The following SLC39A14 variants were observed in gnomAD, a reference collection of about 807,000 sequenced individuals.
SLC39A14 encodes solute carrier family 39 member 14, also known as metal cation symporter ZIP14.
SLC39A14 carries 19 observed loss-of-function variants against 45.5 expected under a neutral mutation model. The observed-to-expected ratio is 0.42, with a 90% CI of 0.29 to 0.61. The LOEUF (loss-of-function observed/expected upper bound fraction) is 0.61, where lower values mean the gene tolerates loss of function less well. Among genes scored for constraint, SLC39A14 ranks in the 20% least tolerant of loss-of-function variants. SLC39A14 has a pLI of 0.22. For synonymous variants in SLC39A14, 264 were observed against 251.3 expected (o/e 1.05, Z -0.48); for missense variants, 447 against 616.5 (o/e 0.73, Z 2.91).
At chr8:22,398,647 C>G (rs7846492) in intron 1 of SLC39A14, 120,893 of 884,174 alleles carry the variant, frequency 0.14, 8,351 homozygotes, top group East Asian at 0.18. Flanking sequence ...ACCTCTAGAC[C>G]CAGCGTCACA....
In SLC39A14 at chr8:22,431,591, A is replaced by G. The variant is rs1836468001; in HGVS notation, c.1333-2300A>G. On this transcript the variant is annotated intron_variant, in intron 8 of 8. Coordinates refer to the SLC39A14 transcript ENST00000240095. ...GTTTAGGAAGCGCTTAGGGAGTTTC[A>G]TGAGGAAATACACCAAAGCTCACAA... Among the ~76,000 whole-genome samples the G allele has an allele frequency of 2.0e-5, 3 of 152,354 alleles. No homozygotes were observed. The South Asian group carries it at 6.2e-4, about 32-fold the overall frequency.
At chr8:22,384,931 T>G (rs762435152) in intron 1 of SLC39A14, among the ~76,000 whole-genome samples, 4 of 146,996 alleles carry the variant, frequency 2.7e-5, no homozygotes, top group Non-Finnish European at 5.9e-5. Flanking sequence ...GCGCCTGTAG[T>G]CCCAGCTATT....
chr8:22,415,632 C>A, intron 5 of SLC39A14, 137 bp from the exon 6 acceptor site: 1 of 740,372 alleles, frequency 1.4e-6, no homozygotes, highest in Non-Finnish European at 2.2e-6. Context: ...TGTTTCTGGG[C>A]ACGTGACCTG....
At chr8:22,409,011 C>T (rs1306292972) in intron 3 of SLC39A14, among the ~76,000 whole-genome samples, 4 of 151,804 alleles carry the variant, frequency 2.6e-5, no homozygotes, top group South Asian at 2.1e-4. Flanking sequence ...TGTAGAGACA[C>T]GGTCTCACTA....
At chr8:22,414,750 A>G (rs774987968) in intron 4 of SLC39A14, 30 bp from the exon 5 acceptor site, 19 of 1,581,980 alleles carry the variant, frequency 1.2e-5, no homozygotes, top group Non-Finnish European at 1.5e-5. Flanking sequence ...TATTTTCTTT[A>G]AAACTCATTT....
Position 22,420,918 on chromosome 8 carries a change from C to T in SLC39A14, c.*1220C>T, listed in dbSNP as rs527813675. The T allele has an allele frequency of 5.0e-5, 49 of 985,790 alleles. No individual in the cohort carries two copies. The South Asian group carries it at 2.2e-3, about 43-fold the overall frequency. 61.1% of individuals were successfully genotyped at this position (985,790 alleles called of 1,614,324 possible). ...TCCTTGCAAAAAAAGTCGAATCCTGCATTGAATTGAATATGAATTTCTCTA... is the reference window on the plus strand; with the variant it reads ...TCCTTGCAAAAAAAGTCGAATCCTGTATTGAATTGAATATGAATTTCTCTA... On this transcript the variant is annotated 3_prime_UTR_variant, in exon 9 of 9. Transcript: ENST00000381237.
chr8:22,369,391 A>G (rs1389829557), intron 1 of SLC39A14, among the ~76,000 whole-genome samples: 1 of 152,230 alleles, frequency 6.6e-6, no homozygotes, highest in Non-Finnish European at 1.5e-5. Flanking sequence ...CAGCTGCATC[A>G]TTGGCCTTGT....
At chr8:22,429,892 G>C (rs1836441820) in intron 8 of SLC39A14, among the ~76,000 whole-genome samples, 1 of 152,210 alleles carries the variant, frequency 6.6e-6, no homozygotes, top group African/African-American at 2.4e-5. Flanking sequence ...AGGTGATCAG[G>C]AAAGGGCTCT....
chr8:22,413,195 T>G (rs1427714905), intron 4 of SLC39A14, among the ~76,000 whole-genome samples: 2 of 152,210 alleles, frequency 1.3e-5, no homozygotes, highest in African/African-American at 4.8e-5. Flanking sequence ...GTGGGTGGTC[T>G]CGCAGGCCTG....
rs1836169282 is a variant in SLC39A14 at position 22,420,580 on chromosome 8, A to G, written c.*882A>G. ...CCTCCTAGAAGCACATTCTGAGCAC[A>G]TTTGAGACCTCTGTGTTAGAGGGGA... On this transcript the variant is annotated 3_prime_UTR_variant, in exon 9 of 9. Coordinates refer to ENST00000381237, the MANE Select transcript of SLC39A14 (RefSeq NM_001128431.4). 1 of 985,288 alleles carries G rather than the reference A, an allele frequency of 1.0e-6. No homozygotes were observed. Among genetic ancestry groups the G allele is most frequent in the African/African-American group, 1.7e-5 (1 of 57,220 alleles). 61.0% of individuals were successfully genotyped at this position (985,288 alleles called of 1,614,324 possible). A position where few individuals can be genotyped will look rare whatever the true frequency, so the allele number is the denominator to read the frequency against.
chr8:22,422,734 G>A lies in SLC39A14; in HGVS notation c.*3036G>A. 3.0e-6 allele frequency: 3 copies of A among 984,902 alleles called. No homozygotes were observed. Among genetic ancestry groups the A allele is most frequent in the Non-Finnish European group, 3.6e-6 (3 of 829,428 alleles). 61.0% of individuals were successfully genotyped at this position (984,902 alleles called of 1,614,324 possible). ...AAATGTGGATGTAATGAAGGCTGTT[G>A]AACACAAGGTGGCGATGGTGTCTCA... On this transcript the variant is annotated 3_prime_UTR_variant, in exon 9 of 9. Transcript: ENST00000381237.
chr8:22,378,865 T>A (rs1833349460), intron 1 of SLC39A14, among the ~76,000 whole-genome samples: 1 of 152,218 alleles, frequency 6.6e-6, no homozygotes, highest in South Asian at 2.1e-4. Flanking sequence ...CAGGTCTTAA[T>A]TCTGGCACCA....
At chr8:22,368,562 A>G (rs1832767311) in intron 1 of SLC39A14, among the ~76,000 whole-genome samples, 2 of 149,690 alleles carry the variant, frequency 1.3e-5, no homozygotes, top group Admixed American at 1.3e-4. Flanking sequence ...TTTGAGACGG[A>G]GTCTCACTCT....
At chr8:22,418,739 G>A (rs1047935770) in intron 8 of SLC39A14, among the ~76,000 whole-genome samples, 1 of 152,056 alleles carries the variant, frequency 6.6e-6, no homozygotes, top group Non-Finnish European at 1.5e-5. Context: ...ATGCTGCCTA[G>A]GCTGGTCTTG....
rs1836284797 is a variant in SLC39A14 at position 22,422,481 on chromosome 8, A to G, written c.*2783A>G. The G allele has an allele frequency of 5.1e-6, 5 of 985,766 alleles. No individual in the cohort carries two copies. The highest frequency in any genetic ancestry group is 6.0e-6 in the Non-Finnish European group (5 of 829,948). 61.1% of individuals were successfully genotyped at this position (985,766 alleles called of 1,614,324 possible). On this transcript the variant is annotated 3_prime_UTR_variant, in exon 9 of 9. Coordinates refer to ENST00000381237, the MANE Select transcript of SLC39A14 (RefSeq NM_001128431.4). The stretch of plus-strand genomic sequence containing the variant: ...GGCAATATGCTGGGCATCTACTTTA[A>G]AACAAAGTTGTCTGATTTTTGCAAG...
At chr8:22,385,089 C>CA (rs1190214663) in intron 1 of SLC39A14, among the ~76,000 whole-genome samples, 1 of 151,926 alleles carries the variant, frequency 6.6e-6, no homozygotes, top group African/African-American at 2.4e-5. Flanking sequence ...AACAAACAAA[C>CA]AAAAAAACTC....
At chr8:22,409,148 A>G (rs558638761) in intron 3 of SLC39A14, among the ~76,000 whole-genome samples, 2 of 151,764 alleles carry the variant, frequency 1.3e-5, no homozygotes, top group Non-Finnish European at 2.9e-5. Context: ...TTTTCCTTTA[A>G]GACCTCCCGG....
At chr8:22,382,400 G>A (rs185479884) in intron 1 of SLC39A14, among the ~76,000 whole-genome samples, 1 of 152,312 alleles carries the variant, frequency 6.6e-6, no homozygotes, top group African/African-American at 2.4e-5. Flanking sequence ...GTCAGGCACA[G>A]TGGTATGTGC....
chr8:22,393,092 C>A, intron 1 of SLC39A14: 1 of 394,614 alleles, frequency 2.5e-6, no homozygotes, highest in Non-Finnish European at 3.4e-6. Context: ...CGAGGTTTCA[C>A]AAGGAGAGTG....
Sources: gnomAD v4.1 joint callset for allele counts (sites outside exome capture counted in the v4.1 genomes callset) on GRCh38, gnomAD v4.1.1 for gene constraint, MANE v1.5 for transcripts, NCBI Gene and HGNC (gene_info 2026-07-23, HGNC 2026-07-21) for gene names.